The following MYL2 variants were observed in gnomAD, a reference collection of about 807,000 sequenced individuals.
The protein encoded by MYL2 is myosin light chain 2, also known as myosin regulatory light chain 2, ventricular/cardiac muscle isoform.
MYL2 carries 19 observed loss-of-function variants against 23.0 expected under a neutral mutation model. The observed-to-expected ratio is 0.83, with a 90% CI of 0.58 to 1.21. MYL2 has a LOEUF of 1.21. Ranked by LOEUF, MYL2 falls within the 50% of genes most tolerant of loss-of-function variation. The probability of loss-of-function intolerance (pLI) is 0.00; values close to 1 mark genes in which losing one functional copy is unlikely to be tolerated. For synonymous variants in MYL2, 78 were observed against 76.2 expected, an observed-to-expected ratio of 1.02 and a Z score of -0.13; for missense variants, 180 against 215.1, an observed-to-expected ratio of 0.84 and a Z score of 1.02.
intron 1 of MYL2, 124 bp downstream of exon 1, chr12:110,920,403 T>TA: frequency 2.1e-6 from 3 of 1,462,648 alleles, no homozygotes; most frequent in Non-Finnish European, 2.9e-6. Context: ...AATGGGGCTT[T>TA]TTCCACAAGG....
chr12:110,916,008 T>C (rs1328606095), intron 2 of MYL2, among the ~76,000 whole-genome samples: 2 of 152,230 alleles, frequency 1.3e-5, no homozygotes, highest in Non-Finnish European at 2.9e-5. Flanking sequence ...GCTAGATATA[T>C]ACCCAAGAGA....
intron 6 of MYL2, among the ~76,000 whole-genome samples, chr12:110,911,941 C>T (rs1188155352): frequency 1.3e-5 from 2 of 152,210 alleles, no homozygotes; most frequent in Non-Finnish European, 2.9e-5. Context: ...CCCACATTAA[C>T]ATGTCGAATC....
chr12:110,911,021 T>C lies in MYL2; in HGVS notation c.*56A>G. On this transcript the variant is annotated 3_prime_UTR_variant, in exon 7 of 7. Transcript: ENST00000228841. ...AGAGGCGGTACTCGGGGGAGAGAGA[T>C]GAGGGCAGGGACCACTCTGCAAAGA... 1 of 1,458,544 alleles carries C rather than the reference T, an allele frequency of 6.9e-7. No homozygotes were observed. The highest frequency in any genetic ancestry group is 9.6e-7 in the Non-Finnish European group (1 of 1,039,096). The allele number at this position is 1,458,544 out of a possible 1,614,324, so 90.4% of individuals were successfully genotyped here.
chr12:110,914,674 A>G (rs2078847), intron 3 of MYL2, among the ~76,000 whole-genome samples: 60,028 of 151,876 alleles, frequency 0.4, 12,955 homozygotes, highest in African/African-American at 0.57. Flanking sequence ...GCATGCCACC[A>G]TGCCTGGCTA....
chr12:110,911,958 A>C (rs1156945630), intron 6 of MYL2, among the ~76,000 whole-genome samples: 2 of 152,212 alleles, frequency 1.3e-5, no homozygotes, highest in African/African-American at 4.8e-5. Flanking sequence ...AATCCTCGCA[A>C]TCTCCTATGA....
chr12:110,915,872 G>T, intron 2 of MYL2, 82 bp from the exon 3 acceptor site: 2 of 1,122,344 alleles, frequency 1.8e-6, no homozygotes, highest in Non-Finnish European at 2.7e-6. Flanking sequence ...GACTTGGCAG[G>T]AGTGGATTCT....
intron 2 of MYL2, among the ~76,000 whole-genome samples, chr12:110,916,691 T>C (rs1013408067): frequency 1.3e-5 from 2 of 152,122 alleles, no homozygotes; most frequent in Non-Finnish European, 2.9e-5. Context: ...TGACTGCTAA[T>C]GGGTATGGGG....
chr12:110,914,545 G>T (rs1017736681), intron 3 of MYL2, among the ~76,000 whole-genome samples: 1 of 152,162 alleles, frequency 6.6e-6, no homozygotes, highest in African/African-American at 2.4e-5. Context: ...TTGAGACAGG[G>T]TCTGGCTGTG....
At chr12:110,920,673 C>A (rs868076599), upstream of MYL2, 11 of 1,179,652 alleles carry the variant, frequency 9.3e-6, no homozygotes, top group African/African-American at 1.5e-5. Context: ...AGGCGGGCAC[C>A]ACCTAAGGCC....
chr12:110,915,855 G>A, intron 2 of MYL2, 65 bp from the exon 3 acceptor site: 1 of 1,373,658 alleles, frequency 7.3e-7, no homozygotes, highest in Non-Finnish European at 1.0e-6. Flanking sequence ...CAAGAGATTG[G>A]GCCAAGGACT....
rs767657562 is a variant in MYL2, at chr12:110,913,152, G to A, written c.354-8C>T. The stretch of plus-strand genomic sequence containing the variant: ...GTCAGCATTTCCCGAACGCTGCAGA[G>A]AAAGGAAAGCAGGTGTTGGTGTCAG... On this transcript the variant is annotated splice_region_variant and splice_polypyrimidine_tract_variant and intron_variant, in intron 5 of 6. Transcript: ENST00000228841. 14 of 1,614,136 alleles carry A rather than the reference G, an allele frequency of 8.7e-6. No homozygotes were observed. The highest frequency in any genetic ancestry group is 1.3e-5 in the African/African-American group (1 of 74,932).
At chr12:110,915,583 A>C (rs1159485589) in intron 3 of MYL2, 132 bp downstream of exon 3, 17 of 920,204 alleles carry the variant, frequency 1.8e-5, no homozygotes, top group Non-Finnish European at 3.1e-5. Context: ...AATTTGTCTT[A>C]AAGACCAGTT....
At chr12:110,911,664 G>A (rs2071653825) in intron 6 of MYL2, among the ~76,000 whole-genome samples, 1 of 152,136 alleles carries the variant, frequency 6.6e-6, no homozygotes, top group African/African-American at 2.4e-5. Flanking sequence ...CCTTCCACTG[G>A]GATCACAAAC....
At chr12:110,915,287 A>G (rs1399384170) in intron 3 of MYL2, among the ~76,000 whole-genome samples, 3 of 152,194 alleles carry the variant, frequency 2.0e-5, no homozygotes, top group Non-Finnish European at 4.4e-5. Context: ...GAGATGATAC[A>G]TTTTAGAAGA....
chr12:110,917,580 G>A (rs558257959), intron 2 of MYL2, among the ~76,000 whole-genome samples: 57 of 152,254 alleles, frequency 3.7e-4, no homozygotes, highest in African/African-American at 1.3e-3. Context: ...TACCCACACC[G>A]CCGGCAGCTG....
chr12:110,915,352 C>A (rs925296536), intron 3 of MYL2, among the ~76,000 whole-genome samples: 6 of 152,158 alleles, frequency 3.9e-5, no homozygotes, highest in Non-Finnish European at 1.5e-5. Flanking sequence ...CCAAACCTAA[C>A]AGACATGTCT....
intron 4 of MYL2, among the ~76,000 whole-genome samples, chr12:110,913,865 G>A (rs1025489761): frequency 2.6e-5 from 4 of 152,114 alleles, no homozygotes; most frequent in Non-Finnish European, 5.9e-5. Flanking sequence ...GGATTCTCCC[G>A]CCTCAGCCTC....
chr12:110,920,310 T>C (rs1248894967), intron 1 of MYL2, among the ~76,000 whole-genome samples: 1 of 54,576 alleles, frequency 1.8e-5, no homozygotes. Flanking sequence ...ACTCTCTTAT[T>C]TTGTGTTTGT....
chr12:110,920,816 C>T (rs2071719444), upstream of MYL2: 1 of 572,738 alleles, frequency 1.7e-6, no homozygotes, highest in Non-Finnish European at 3.1e-6. Flanking sequence ...ATGCTGCGCG[C>T]TCTCTGCGGT....
Sources: gnomAD v4.1 joint callset for allele counts (sites outside exome capture counted in the v4.1 genomes callset) on GRCh38, gnomAD v4.1.1 for gene constraint, MANE v1.5 for transcripts, NCBI Gene and HGNC (gene_info 2026-07-23, HGNC 2026-07-21) for gene names.